The following ADD1 variants were observed in gnomAD, a reference collection of about 807,000 sequenced individuals.
ADD1 encodes the protein adducin 1.
Under a neutral mutation model 80.5 loss-of-function variants are expected in ADD1, and 24 were observed. The ratio of observed to expected loss-of-function variants is 0.30; its 90% confidence interval spans 0.22 to 0.42. ADD1 has a LOEUF of 0.42. ADD1 is among the 10% of genes least tolerant of loss of function. The pLI, the probability that ADD1 is intolerant of heterozygous loss-of-function variation, is 1.00. For synonymous variants in ADD1, 373 were observed against 393.8 expected (o/e 0.95, Z 0.63); for missense variants, 948 against 1,019.0 (o/e 0.93, Z 0.95).
chr4:2,927,282 G>A (rs1465059707), intron 15 of ADD1, among the ~76,000 whole-genome samples: 1 of 152,188 alleles, frequency 6.6e-6, no homozygotes, highest in Non-Finnish European at 1.5e-5. Flanking sequence ...TTCTCATGAA[G>A]CGTGGCCTGG....
intron 3 of ADD1, 31 bp from the exon 4 acceptor site, chr4:2,884,484 C>T: frequency 6.4e-7 from 1 of 1,574,340 alleles, no homozygotes; most frequent in Non-Finnish European, 8.7e-7. Context: ...TACCACTGCA[C>T]CTGGCTGAGT....
At chr4:2,897,052 C>T (rs1735366999) in intron 6 of ADD1, among the ~76,000 whole-genome samples, 2 of 152,258 alleles carry the variant, frequency 1.3e-5, no homozygotes. Context: ...AGCCACTGTG[C>T]CCAGCCTCTT....
At chr4:2,880,828 A>T (rs1374846176) in intron 2 of ADD1, among the ~76,000 whole-genome samples, 1 of 151,856 alleles carries the variant, frequency 6.6e-6, no homozygotes, top group Non-Finnish European at 1.5e-5. Flanking sequence ...GCAGGTTGGG[A>T]ATATAAATTA....
At chr4:2,893,624 AAG>A in intron 4 of ADD1, among the ~76,000 whole-genome samples, 2 of 152,194 alleles carry the variant, frequency 1.3e-5, no homozygotes, top group Middle Eastern at 6.8e-3. Context: ...AAAAAAAAAA[AAG>A]AATAATGTAA....
At position 2,861,090 on chromosome 4, in the gene ADD1, G is replaced by T. The variant is rs184236147; in HGVS notation, c.-20-14806G>T. ...AGGACTAAGGCATTCAAAGTAGCTG[G>T]AATAAATTCTTTGTTCTAGGCAGAG... is the stretch of plus-strand genomic sequence containing the variant. On this transcript the variant is annotated intron_variant, in intron 1 of 15. Transcript: ENST00000683351. Among the ~76,000 whole-genome samples the T allele has an allele frequency of 2.6e-5, 4 of 152,316 alleles. No individual in the cohort carries two copies. The East Asian group carries it at 7.7e-4, about 29-fold the overall frequency.
chr4:2,909,057 T>C (rs1045278781), intron 12 of ADD1: 5 of 501,476 alleles, frequency 1.0e-5, no homozygotes, highest in Non-Finnish European at 1.8e-5. Context: ...GACTCTACCT[T>C]GTGGCACATT....
At chr4:2,854,170 C>T (rs1727727990) in intron 1 of ADD1, among the ~76,000 whole-genome samples, 1 of 151,868 alleles carries the variant, frequency 6.6e-6, no homozygotes, top group Admixed American at 6.6e-5. Context: ...AAAAATACAA[C>T]AAAATTAGCC....
chr4:2,850,205 A>G (rs1012575036), intron 1 of ADD1, among the ~76,000 whole-genome samples: 3 of 152,240 alleles, frequency 2.0e-5, no homozygotes, highest in African/African-American at 7.2e-5. Flanking sequence ...AAGAAGCCAG[A>G]CACAAGAGAC....
intron 14 of ADD1, among the ~76,000 whole-genome samples, chr4:2,924,850 C>T (rs760496238): frequency 1.3e-5 from 2 of 152,190 alleles, no homozygotes; most frequent in Non-Finnish European, 2.9e-5. Flanking sequence ...GGTCATGTGG[C>T]CTCCTCCTAG....
At chr4:2,862,265 C>T (rs1002814395) in intron 1 of ADD1, among the ~76,000 whole-genome samples, 9 of 152,198 alleles carry the variant, frequency 5.9e-5, no homozygotes, top group African/African-American at 2.2e-4. Context: ...AGTGAATGCG[C>T]TCAGAAGGAA....
At position 2,876,068 on chromosome 4, in the gene ADD1, G is replaced by C. The variant is rs140325938; in HGVS notation, c.153G>C (p.Met51Ile). The change falls in exon 2 of 16, where the codon ATG (methionine) becomes ATC (isoleucine). Residue 51 changes from methionine (M) to isoleucine (I), a missense_variant. Coordinates refer to ENST00000683351, the MANE Select transcript of ADD1 (RefSeq NM_001354761.2). ...MAPDLRQDFNMMEQKKRVSMI... is the reference protein window; with the variant it reads ...MAPDLRQDFNIMEQKKRVSMI... Reference sequence around the variant, plus strand: ...CAGACCTTCGCCAGGACTTCAACATGATGGAGCAAAAGAAGAGGGTGTCCA... The same window carrying C: ...CAGACCTTCGCCAGGACTTCAACATCATGGAGCAAAAGAAGAGGGTGTCCA... 1.9e-6 allele frequency: 3 copies of C among 1,614,072 alleles called. No individual in the cohort carries two copies. The highest frequency in any genetic ancestry group is 2.2e-5 in the South Asian group (2 of 91,052).
At chr4:2,850,608 G>A (rs1297546607) in intron 1 of ADD1, among the ~76,000 whole-genome samples, 4 of 152,218 alleles carry the variant, frequency 2.6e-5, no homozygotes, top group Non-Finnish European at 5.9e-5. Context: ...TGTATTTTTA[G>A]TAGAGATGGG....
rs188548567 is a variant in ADD1 at position 2,919,853 on chromosome 4, G to A, written c.1948+4813G>A. On this transcript the variant is annotated intron_variant, in intron 14 of 15. Coordinates refer to ENST00000683351, the MANE Select transcript of ADD1 (RefSeq NM_001354761.2). ...GTCTCTCTCCTTCAGTTCTGCACTC[G>A]TCTTAGTTATTTCTTGTCTTCTGCT... Among the ~76,000 whole-genome samples the A allele has an allele frequency of 1.1e-3, 170 of 151,036 alleles. 1 individual carries two copies. The highest frequency in any genetic ancestry group is 3.6e-3 in the Admixed American group (55 of 15,160).
At chr4:2,892,988 T>C (rs2108997150) in intron 4 of ADD1, among the ~76,000 whole-genome samples, 1 of 152,308 alleles carries the variant, frequency 6.6e-6, no homozygotes, top group African/African-American at 2.4e-5. Context: ...CGATCATGAC[T>C]GACTGCAACC....
intron 4 of ADD1, among the ~76,000 whole-genome samples, chr4:2,889,206 C>T (rs554455359): frequency 1.6e-4 from 25 of 152,246 alleles, no homozygotes; most frequent in African/African-American, 4.8e-4. Context: ...AACAGACATG[C>T]TGTAGTCGGC....
intron 1 of ADD1, among the ~76,000 whole-genome samples, chr4:2,864,580 A>G (rs1729268633): frequency 6.6e-6 from 1 of 152,182 alleles, no homozygotes. Flanking sequence ...ATTAGAATGT[A>G]TCTGAGATGC....
At chr4:2,872,873 A>G (rs1219188902) in intron 1 of ADD1, among the ~76,000 whole-genome samples, 1 of 152,002 alleles carries the variant, frequency 6.6e-6, no homozygotes, top group Non-Finnish European at 1.5e-5. Context: ...TCCTACTTTT[A>G]AAATTATTTT....
At chr4:2,927,352 T>A (rs1711971408) in intron 15 of ADD1, among the ~76,000 whole-genome samples, 1 of 152,206 alleles carries the variant, frequency 6.6e-6, no homozygotes, top group South Asian at 2.1e-4. Context: ...GGTAAAGCAC[T>A]GAGAGTTTGG....
In ADD1 at chr4:2,899,753, G is replaced by A. The variant is rs371489682; in HGVS notation, c.1161+318G>A. 7 of 396,776 alleles carry A rather than the reference G, an allele frequency of 1.8e-5. No individual in the cohort carries two copies. The East Asian group carries it at 2.4e-4, about 14-fold the overall frequency. 24.6% of individuals were successfully genotyped at this position (396,776 alleles called of 1,614,324 possible). ...AGTCCCCACCATCCCACAAGCAAGCGAGAGAGGTGGCACTTTTGAAATCGG... is the reference window on the plus strand; with the variant it reads ...AGTCCCCACCATCCCACAAGCAAGCAAGAGAGGTGGCACTTTTGAAATCGG... On this transcript the variant is annotated intron_variant, in intron 9 of 15. Transcript: ENST00000683351.
Sources: gnomAD v4.1 joint callset for allele counts (sites outside exome capture counted in the v4.1 genomes callset) on GRCh38, gnomAD v4.1.1 for gene constraint, MANE v1.5 for transcripts, NCBI Gene and HGNC (gene_info 2026-07-23, HGNC 2026-07-21) for gene names.